Variants in DDX10 observed in about 807,000 individuals in gnomAD.
DDX10 encodes the protein probable ATP-dependent RNA helicase DDX10.
In DDX10, 74 loss-of-function variants were observed where a neutral mutation model predicts 104.3. The ratio of observed to expected loss-of-function variants is 0.71; its 90% CI spans 0.59 to 0.86. The LOEUF is 0.86. Ranked by LOEUF, DDX10 falls within the 40% of genes least tolerant of loss-of-function variation. DDX10 has a pLI of 0.00. For synonymous variants in DDX10, 351 were observed against 353.4 expected (o/e 0.99, Z 0.08); for missense variants, 952 against 1,040.0 (o/e 0.92, Z 1.16).
chr11:108,876,862 T>A (rs1863159819), intron 16 of DDX10, among the ~76,000 whole-genome samples: 1 of 152,192 alleles, frequency 6.6e-6, no homozygotes, highest in Admixed American at 6.5e-5. Context: ...GTAGCTTTCC[T>A]TGAAGTTTTT....
intron 13 of DDX10, among the ~76,000 whole-genome samples, chr11:108,790,410 A>C (rs975560405): frequency 6.6e-6 from 1 of 152,230 alleles, no homozygotes; most frequent in African/African-American, 2.4e-5. Context: ...CAGATAAATA[A>C]CAATATTTAA....
At chr11:108,939,112 A>G (rs1864071794) in intron 17 of DDX10, among the ~76,000 whole-genome samples, 2 of 152,214 alleles carry the variant, frequency 1.3e-5, no homozygotes. Flanking sequence ...CACAATTTTA[A>G]GTAAATTATA....
intron 13 of DDX10, among the ~76,000 whole-genome samples, chr11:108,808,482 A>G (rs1423059121): frequency 1.3e-5 from 2 of 152,162 alleles, no homozygotes; most frequent in African/African-American, 4.8e-5. Flanking sequence ...AATTTTAAGT[A>G]CCATAAAGAT....
intron 13 of DDX10, among the ~76,000 whole-genome samples, chr11:108,747,470 G>T (rs2094333227): frequency 6.6e-6 from 1 of 152,160 alleles, no homozygotes; most frequent in African/African-American, 2.4e-5. Context: ...TTCCATTTCT[G>T]TAGGGTAGGC....
chr11:108,684,913 T>A (rs1425897273), intron 6 of DDX10, among the ~76,000 whole-genome samples: 8 of 143,528 alleles, frequency 5.6e-5, no homozygotes, highest in Non-Finnish European at 1.1e-4. Context: ...TGAGATGATA[T>A]CTCATAGTGG....
At chr11:108,674,514 CTCTT>C (rs1396805140) in intron 2 of DDX10, among the ~76,000 whole-genome samples, 1 of 150,938 alleles carries the variant, frequency 6.6e-6, no homozygotes, top group Non-Finnish European at 1.5e-5. Context: ...TAATAGATCT[CTCTT>C]TTTTTTTTTT....
chr11:108,894,022 C>G (rs890732080), intron 16 of DDX10, among the ~76,000 whole-genome samples: 12 of 152,012 alleles, frequency 7.9e-5, no homozygotes, highest in African/African-American at 2.9e-4. Context: ...TTGTAAATGA[C>G]TGCAGCAAAC....
intron 13 of DDX10, chr11:108,822,440 T>A: frequency 2.6e-6 from 1 of 377,756 alleles, no homozygotes; most frequent in Non-Finnish European, 5.2e-6. Context: ...TTCTTGGGAG[T>A]CTCCAAATAG....
intron 16 of DDX10, among the ~76,000 whole-genome samples, chr11:108,882,297 C>T (rs143041791): frequency 1.7e-4 from 26 of 152,288 alleles, no homozygotes; most frequent in African/African-American, 6.3e-4. Flanking sequence ...CAGGCAGAAG[C>T]ATTCACATTT....
At chr11:108,676,074 C>G (rs773805285) in intron 3 of DDX10, among the ~76,000 whole-genome samples, 1 of 152,204 alleles carries the variant, frequency 6.6e-6, no homozygotes, top group Non-Finnish European at 1.5e-5. Flanking sequence ...TCTGCTCTCA[C>G]CCTTGTGAGC....
chr11:108,673,825 G>A (rs564844141), intron 2 of DDX10, among the ~76,000 whole-genome samples: 11 of 152,274 alleles, frequency 7.2e-5, no homozygotes, highest in African/African-American at 2.4e-4. Flanking sequence ...TGTTTGCTAG[G>A]GCTGAGATGA....
chr11:108,793,090 G>A (rs1488371788), intron 13 of DDX10, among the ~76,000 whole-genome samples: 9 of 152,280 alleles, frequency 5.9e-5, no homozygotes, highest in South Asian at 2.1e-4. Flanking sequence ...GATATGCGTC[G>A]TAGGCAAAGG....
At chr11:108,693,672 T>C (rs2094255890) in intron 9 of DDX10, 72 bp downstream of exon 9, 2 of 1,191,946 alleles carry the variant, frequency 1.7e-6, no homozygotes, top group African/African-American at 3.0e-5. Context: ...CAACTGCAGA[T>C]AAACGAAGAA....
At chr11:108,754,826 T>G (rs1189482190) in intron 13 of DDX10, among the ~76,000 whole-genome samples, 1 of 152,030 alleles carries the variant, frequency 6.6e-6, no homozygotes, top group Admixed American at 6.6e-5. Flanking sequence ...CTTAACTGGA[T>G]GGGCAACCAG....
At chr11:108,896,648 T>C (rs1565312021) in intron 16 of DDX10, among the ~76,000 whole-genome samples, 1 of 152,174 alleles carries the variant, frequency 6.6e-6, no homozygotes. Context: ...GAAATCATAA[T>C]CATTCTGTAA....
intron 10 of DDX10, 25 bp downstream of exon 10, chr11:108,706,862 G>A: frequency 6.3e-7 from 1 of 1,590,284 alleles, no homozygotes; most frequent in Non-Finnish European, 8.6e-7. Context: ...TTGTCTTTAT[G>A]TTTTTAGGAA....
chr11:108,896,225 A>G (rs938089135), intron 16 of DDX10, among the ~76,000 whole-genome samples: 15 of 152,166 alleles, frequency 9.9e-5, no homozygotes, highest in African/African-American at 1.7e-4. Context: ...AGTACTGACA[A>G]TGGACACCGA....
chr11:108,921,381 C>T (rs1438717815), intron 17 of DDX10: 1 of 152,168 alleles, frequency 6.6e-6, no homozygotes, highest in African/African-American at 2.4e-5. Flanking sequence ...TCCAGTTTGG[C>T]TACACACTGG....
chr11:108,685,145 G>A (rs1277384375), intron 6 of DDX10, among the ~76,000 whole-genome samples: 10 of 151,630 alleles, frequency 6.6e-5, no homozygotes, highest in African/African-American at 2.4e-4. Flanking sequence ...CTCCCATGTT[G>A]TAGGTTGCCT....
Sources: allele counts gnomAD v4.1 joint callset (sites outside exome capture counted in the v4.1 genomes callset), GRCh38; gene constraint gnomAD v4.1.1; transcripts MANE v1.5; gene names NCBI Gene and HGNC (gene_info 2026-07-23, HGNC 2026-07-21).